The following IMPACT variants were observed in gnomAD, a reference collection of about 807,000 sequenced individuals.
The protein encoded by IMPACT is protein IMPACT.
In IMPACT, 35 loss-of-function variants were observed where a neutral mutation model predicts 47.5. The ratio of observed to expected loss-of-function variants is 0.74; its 90% CI spans 0.56 to 0.98. IMPACT has a LOEUF of 0.98. IMPACT is among the 50% of genes least tolerant of loss of function. IMPACT has a pLI of 0.00. For missense variants in IMPACT, 373 were observed against 394.8 expected, an observed-to-expected ratio of 0.94 and a Z score of 0.47; for synonymous variants, 118 against 125.6, an observed-to-expected ratio of 0.94 and a Z score of 0.40.
chr18:24,440,472 T>C (rs193078642), intron 5 of IMPACT, 24 bp from the exon 6 acceptor site: 37 of 1,605,748 alleles, frequency 2.3e-5, no homozygotes, highest in Non-Finnish European at 3.1e-5. Context: ...CGTCATAAAG[T>C]AATTGTGTCT....
intron 4 of IMPACT, among the ~76,000 whole-genome samples, chr18:24,434,868 A>G (rs139122174): frequency 2.1e-3 from 253 of 122,800 alleles, no homozygotes; most frequent in African/African-American, 8.1e-3. Context: ...GTGTATATAT[A>G]TGTGTATATA....
intron 8 of IMPACT, among the ~76,000 whole-genome samples, chr18:24,447,081 A>AG (rs1909266659): frequency 6.6e-6 from 1 of 152,224 alleles, no homozygotes; most frequent in South Asian, 2.1e-4. Flanking sequence ...ATGTAAAAAA[A>AG]GAAAAAAGTA....
chr18:24,450,974 A>G lies in IMPACT; in HGVS notation c.*127A>G, dbSNP rs1909369546. ...GTCAGCCAGTTCAGCATGGATACCA[A>G]CATTAGCTTTTCTTCTTGGTTATAT... On this transcript the variant is annotated 3_prime_UTR_variant, in exon 11 of 11. Transcript: ENST00000284202. 7.5e-6 allele frequency: 4 copies of G among 532,128 alleles called. No homozygotes were observed. Among genetic ancestry groups the G allele is most frequent in the South Asian group, 7.0e-5 (2 of 28,694 alleles). 33.0% of individuals were successfully genotyped at this position (532,128 alleles called of 1,614,324 possible). A position where few individuals can be genotyped will look rare whatever the true frequency, so the allele number is the denominator to read the frequency against.
In IMPACT at chr18:24,440,486, A is replaced by G. The variant is rs1191019469; in HGVS notation, c.368-10A>G. On this transcript the variant is annotated splice_polypyrimidine_tract_variant and intron_variant, in intron 5 of 10. Coordinates refer to ENST00000284202, the MANE Select transcript of IMPACT (RefSeq NM_018439.4). Reference sequence around the variant, plus strand: ...GCGTCATAAAGTAATTGTGTCTCATATTCACATAGGCCCAGATGTAAAGAA... The same window carrying G: ...GCGTCATAAAGTAATTGTGTCTCATGTTCACATAGGCCCAGATGTAAAGAA... 6.2e-7 allele frequency: 1 copy of G among 1,610,992 alleles called. No homozygotes were observed. The highest frequency in any genetic ancestry group is 8.5e-7 in the Non-Finnish European group (1 of 1,178,962).
In IMPACT at chr18:24,434,776, A is replaced by AAAATATAT. The variant is rs1164402384; in HGVS notation, c.282-3178_282-3177insAATATATA. Reference sequence around the variant, plus strand: ...AAAACTCTGTCTCAAAAAAAAAAAAAATATATATATATATATATATGTGTG... The same window carrying AAAATATAT: ...AAAACTCTGTCTCAAAAAAAAAAAAAAAATATATATATATATATATATATATATGTGTG... On this transcript the variant is annotated intron_variant, in intron 4 of 10. Coordinates refer to ENST00000284202, the MANE Select transcript of IMPACT (RefSeq NM_018439.4). Among the ~76,000 whole-genome samples, 21 of 114,026 alleles carry AAAATATAT rather than the reference A, an allele frequency of 1.8e-4. 1 individual carries two copies. The highest frequency in any genetic ancestry group is 8.2e-4 in the African/African-American group (20 of 24,280). The allele number at this position is 114,026 out of a possible 152,430, so 74.8% of individuals were successfully genotyped here.
intron 9 of IMPACT, 46 bp downstream of exon 9, chr18:24,448,229 A>C: frequency 7.6e-7 from 1 of 1,317,710 alleles, no homozygotes. Context: ...CAAGCCATAA[A>C]ATTTCTCAAC....
intron 6 of IMPACT, 83 bp downstream of exon 6, chr18:24,440,701 A>G (rs1207192269): frequency 2.4e-6 from 3 of 1,234,916 alleles, no homozygotes; most frequent in African/African-American, 1.6e-5. Context: ...AGAGAAATTT[A>G]CTAATTTTCT....
chr18:24,438,137 C>G (rs925937868), intron 5 of IMPACT, 97 bp downstream of exon 5: 4 of 628,834 alleles, frequency 6.4e-6, no homozygotes, highest in African/African-American at 5.7e-5. Context: ...AATCTGTATT[C>G]TGGTTTATGG....
At chr18:24,444,517 A>G (rs936156979) in intron 7 of IMPACT, among the ~76,000 whole-genome samples, 5 of 152,286 alleles carry the variant, frequency 3.3e-5, no homozygotes, top group African/African-American at 7.2e-5. Flanking sequence ...ACCTTCACAC[A>G]TGTAATCTTT....
intron 7 of IMPACT, among the ~76,000 whole-genome samples, chr18:24,443,800 T>C (rs921114125): frequency 8.5e-5 from 13 of 152,240 alleles, no homozygotes; most frequent in African/African-American, 2.9e-4. Context: ...AAACTATTCC[T>C]AGGTCTTTGC....
At position 24,453,433 on chromosome 18, in the gene IMPACT, G is replaced by A. The variant is rs928827803; in HGVS notation, c.*2586G>A. 6.6e-6 allele frequency: 1 copy of A among 151,884 alleles called. No homozygotes were observed. Among genetic ancestry groups the A allele is most frequent in the African/African-American group, 2.4e-5 (1 of 41,334 alleles). The allele number at this position is 151,884 out of a possible 1,614,324, so 9.4% of individuals were successfully genotyped here. A position where few individuals can be genotyped will look rare whatever the true frequency, so the allele number is the denominator to read the frequency against. On this transcript the variant is annotated 3_prime_UTR_variant, in exon 11 of 11. Coordinates refer to ENST00000284202, the MANE Select transcript of IMPACT (RefSeq NM_018439.4). ...TGGTTATTTTTCTTTCCATAAAAAT[G>A]GTATTAAACTGTATATACTGTTTTG...
At chr18:24,441,014 C>A (rs1455179890) in intron 6 of IMPACT, among the ~76,000 whole-genome samples, 1 of 152,178 alleles carries the variant, frequency 6.6e-6, no homozygotes, top group Non-Finnish European at 1.5e-5. Flanking sequence ...ACTGAAAGTG[C>A]AGCCCTGGAA....
chr18:24,427,734 C>T (rs1908649520), intron 1 of IMPACT, 185 bp from the exon 2 acceptor site: 1 of 552,932 alleles, frequency 1.8e-6, no homozygotes, highest in South Asian at 2.6e-5. Flanking sequence ...TGCAGTAGCG[C>T]CTAGCAACCA....
chr18:24,427,016 C>T (rs1908627367), intron 1 of IMPACT: 3 of 392,080 alleles, frequency 7.7e-6, no homozygotes, highest in South Asian at 1.4e-4. Flanking sequence ...CTGTCTCGGA[C>T]GGTGTCCTCG....
In IMPACT at chr18:24,452,511, T is replaced by G. The variant is rs1449246420; in HGVS notation, c.*1664T>G. On this transcript the variant is annotated 3_prime_UTR_variant, in exon 11 of 11. Coordinates refer to ENST00000284202, the MANE Select transcript of IMPACT (RefSeq NM_018439.4). ...AGGGAGATAGGAAACAATGAGAAACTTACTTTTGCTCCTTTATACAGAATT... is the reference window on the plus strand; with the variant it reads ...AGGGAGATAGGAAACAATGAGAAACGTACTTTTGCTCCTTTATACAGAATT... 1 of 152,118 alleles carries G rather than the reference T, an allele frequency of 6.6e-6. No individual in the cohort carries two copies. The highest frequency in any genetic ancestry group is 1.5e-5 in the Non-Finnish European group (1 of 68,014). 9.4% of individuals were successfully genotyped at this position (152,118 alleles called of 1,614,324 possible).
Position 24,426,728 on chromosome 18 carries a change from G to A in IMPACT, c.-29G>A. On this transcript the variant is annotated 5_prime_UTR_variant, in exon 1 of 11. Transcript: ENST00000284202. ...CCCCCGCGCTCCGGACCTGGCAGGC[G>A]GCGGCTGCAGGGCAGGTCCAGGGGC... 1 of 1,245,432 alleles carries A rather than the reference G, an allele frequency of 8.0e-7. No homozygotes were observed. Among genetic ancestry groups the A allele is most frequent in the Non-Finnish European group, 1.0e-6 (1 of 994,452 alleles). 77.1% of individuals were successfully genotyped at this position (1,245,432 alleles called of 1,614,324 possible). A position where few individuals can be genotyped will look rare whatever the true frequency, so the allele number is the denominator to read the frequency against.
intron 7 of IMPACT, 23 bp from the exon 8 acceptor site, chr18:24,445,370 T>C (rs200610069): frequency 1.5e-5 from 20 of 1,352,968 alleles, no homozygotes; most frequent in East Asian, 9.2e-5. Context: ...AGCATACTTA[T>C]TTATATTATT....
intron 10 of IMPACT, 122 bp downstream of exon 10, chr18:24,450,075 C>G (rs1909345130): frequency 9.6e-6 from 10 of 1,036,504 alleles, no homozygotes; most frequent in Middle Eastern, 5.9e-4. Context: ...CCTTTGGACT[C>G]AGAACCTGGA....
intron 3 of IMPACT, chr18:24,429,751 A>G (rs1307838011): frequency 6.6e-6 from 1 of 151,904 alleles, no homozygotes; most frequent in Non-Finnish European, 1.5e-5. Context: ...TAGATATAGA[A>G]TTCTTATAAA....
Sources: gnomAD v4.1 joint callset for allele counts (sites outside exome capture counted in the v4.1 genomes callset) on GRCh38, gnomAD v4.1.1 for gene constraint, MANE v1.5 for transcripts, NCBI Gene and HGNC (gene_info 2026-07-23, HGNC 2026-07-21) for gene names.